The following MAGI2 variants were observed in gnomAD, a reference collection of about 807,000 sequenced individuals.
The protein encoded by MAGI2 is membrane associated guanylate kinase, WW and PDZ domain containing 2, also known as membrane-associated guanylate kinase, WW and PDZ domain-containing protein 2.
In MAGI2, 35 loss-of-function variants were observed where a neutral mutation model predicts 133.3. That is an observed-to-expected ratio of 0.26 (90% CI 0.20 to 0.35). The LOEUF is 0.35. Ranked by LOEUF, MAGI2 falls within the 10% of genes least tolerant of loss-of-function variation. The probability of loss-of-function intolerance (pLI) is 1.00; values close to 1 mark genes in which losing one functional copy is unlikely to be tolerated. For missense variants in MAGI2, 1,636 were observed against 1,863.4 expected (o/e 0.88, Z 2.25); for synonymous variants, 729 against 710.6 (o/e 1.03, Z -0.41).
chr7:78,547,448 G>C (rs4730376), intron 3 of MAGI2, among the ~76,000 whole-genome samples: 3 of 152,136 alleles, frequency 2.0e-5, no homozygotes, highest in Non-Finnish European at 4.4e-5. Context: ...GCGGTGTATT[G>C]GTATGATTGT....
intron 5 of MAGI2, among the ~76,000 whole-genome samples, chr7:78,497,253 A>T (rs1330529936): frequency 6.6e-6 from 1 of 152,220 alleles, no homozygotes; most frequent in Non-Finnish European, 1.5e-5. Context: ...AGACATTATT[A>T]CTATTTTAAA....
At chr7:79,164,998 T>A (rs961359284) in intron 1 of MAGI2, among the ~76,000 whole-genome samples, 7 of 152,054 alleles carry the variant, frequency 4.6e-5, no homozygotes, top group African/African-American at 1.7e-4. Context: ...GATAACAGTA[T>A]CTACTAAATT....
chr7:78,246,659 C>T (rs1791822551), intron 10 of MAGI2, among the ~76,000 whole-genome samples: 1 of 152,164 alleles, frequency 6.6e-6, no homozygotes, highest in Non-Finnish European at 1.5e-5. Flanking sequence ...GGCTGCTGCA[C>T]CTGACCAAGT....
intron 1 of MAGI2, among the ~76,000 whole-genome samples, chr7:79,190,679 G>T (rs1362800941): frequency 6.6e-6 from 1 of 151,748 alleles, no homozygotes; most frequent in Non-Finnish European, 1.5e-5. Context: ...GTATTTGCAT[G>T]TTCTACCATC....
intron 1 of MAGI2, among the ~76,000 whole-genome samples, chr7:79,235,847 G>A (rs11972217): frequency 0.039 from 5,870 of 152,272 alleles, 181 homozygotes; most frequent in African/African-American, 0.078. Context: ...CTTACCTTTG[G>A]AAACACTTTT....
chr7:78,378,604 C>G (rs963068424), intron 6 of MAGI2, among the ~76,000 whole-genome samples: 5 of 152,084 alleles, frequency 3.3e-5, no homozygotes, highest in Admixed American at 3.3e-4. Context: ...AAAGTGTGAG[C>G]TAAGAATTTT....
intron 1 of MAGI2, among the ~76,000 whole-genome samples, chr7:79,395,316 CAAAGG>C (rs1447342154): frequency 6.6e-6 from 1 of 152,046 alleles, no homozygotes; most frequent in Non-Finnish European, 1.5e-5. Context: ...ATGATATAAT[CAAAGG>C]AAAGTGTAAA....
intron 2 of MAGI2, among the ~76,000 whole-genome samples, chr7:78,870,935 A>G (rs1159492265): frequency 6.6e-6 from 1 of 152,164 alleles, no homozygotes; most frequent in Non-Finnish European, 1.5e-5. Flanking sequence ...CTCTAAGTGG[A>G]GTAACTCAGG....
At chr7:78,413,136 C>A (rs546400399) in intron 6 of MAGI2, among the ~76,000 whole-genome samples, 43 of 152,216 alleles carry the variant, frequency 2.8e-4, no homozygotes, top group African/African-American at 9.6e-4. Context: ...TTAGTTCCCT[C>A]ACCCGTAAAA....
At chr7:78,081,407 C>CTAT (rs1005760387) in intron 20 of MAGI2, among the ~76,000 whole-genome samples, 10 of 152,158 alleles carry the variant, frequency 6.6e-5, no homozygotes, top group African/African-American at 2.4e-4. Context: ...GTAAATAAGG[C>CTAT]TATTACTACT....
chr7:78,541,738 G>A (rs1368207799), intron 3 of MAGI2, among the ~76,000 whole-genome samples: 1 of 152,130 alleles, frequency 6.6e-6, no homozygotes, highest in Admixed American at 6.5e-5. Flanking sequence ...TACTATCTAA[G>A]AACCACTGTC....
Position 78,758,573 on chromosome 7 carries a change from A to G in MAGI2, c.419-131334T>C, listed in dbSNP as rs142865389. On this transcript the variant is annotated intron_variant, in intron 2 of 21. Coordinates refer to ENST00000354212, the MANE Select transcript of MAGI2 (RefSeq NM_012301.4). Reference sequence around the variant, plus strand: ...GTTCTTTCCATATTGTGAACTAGGTACATATCACATGCACATCTGTGTGAG... The same window carrying G: ...GTTCTTTCCATATTGTGAACTAGGTGCATATCACATGCACATCTGTGTGAG... Among the ~76,000 whole-genome samples, 37 of 152,338 alleles carry G rather than the reference A, an allele frequency of 2.4e-4. No homozygotes were observed. The East Asian group carries it at 5.0e-3, about 21-fold the overall frequency.
chr7:78,757,111 G>T (rs1216922779), intron 2 of MAGI2, among the ~76,000 whole-genome samples: 2 of 152,060 alleles, frequency 1.3e-5, no homozygotes, highest in Non-Finnish European at 2.9e-5. Context: ...ACTTTTAGAA[G>T]TTCCCACCAC....
chr7:79,419,506 A>C (rs570050299), intron 1 of MAGI2, among the ~76,000 whole-genome samples: 2 of 152,136 alleles, frequency 1.3e-5, no homozygotes, highest in South Asian at 2.1e-4. Context: ...AAATGTGAGA[A>C]TGTGGTAACT....
intron 9 of MAGI2, among the ~76,000 whole-genome samples, chr7:78,279,825 C>T (rs964386891): frequency 6.6e-6 from 1 of 152,034 alleles, no homozygotes; most frequent in East Asian, 1.9e-4. Flanking sequence ...TTTCTGGCTC[C>T]AATAGCAGGA....
intron 6 of MAGI2, among the ~76,000 whole-genome samples, chr7:78,422,644 G>A (rs1374004335): frequency 2.0e-5 from 3 of 151,300 alleles, no homozygotes; most frequent in Admixed American, 2.0e-4. Flanking sequence ...AGATATAAGA[G>A]AATAAAGTGA....
intron 1 of MAGI2, among the ~76,000 whole-genome samples, chr7:79,103,874 T>G (rs796310030): frequency 8.6e-6 from 1 of 115,798 alleles, no homozygotes; most frequent in African/African-American, 2.6e-5. Flanking sequence ...TAATTTTTTT[T>G]ATATTTTTAG....
chr7:78,333,950 G>A (rs1304482283), intron 9 of MAGI2, among the ~76,000 whole-genome samples: 1 of 152,152 alleles, frequency 6.6e-6, no homozygotes, highest in African/African-American at 2.4e-5. Flanking sequence ...AACTAAACAG[G>A]TACTTCAAAA....
At chr7:78,939,872 A>G (rs528042341) in intron 2 of MAGI2, 21 of 152,342 alleles carry the variant, frequency 1.4e-4, no homozygotes, top group African/African-American at 4.6e-4. Flanking sequence ...CAGCAGACAC[A>G]TCATGCTGGC....
Sources: gnomAD v4.1 joint callset for allele counts (sites outside exome capture counted in the v4.1 genomes callset) on GRCh38, gnomAD v4.1.1 for gene constraint, MANE v1.5 for transcripts, NCBI Gene and HGNC (gene_info 2026-07-23, HGNC 2026-07-21) for gene names.